ADGRB3: variants seen among roughly 807,000 people sequenced by gnomAD.
ADGRB3 encodes the protein brain-specific angiogenesis inhibitor 3.
A neutral mutation model predicts 193.4 loss-of-function variants in ADGRB3; 37 were observed. That is an observed-to-expected ratio of 0.19 (90% CI 0.15 to 0.25). The LOEUF is 0.25. ADGRB3 is among the 10% of genes least tolerant of loss of function. The pLI, the probability that ADGRB3 is intolerant of heterozygous loss-of-function variation, is 1.00. For synonymous variants in ADGRB3, 690 were observed against 644.2 expected, an observed-to-expected ratio of 1.07 and a Z score of -1.08; for missense variants, 1,637 against 1,852.9, an observed-to-expected ratio of 0.88 and a Z score of 2.14.
chr6:68,937,652 T>G (rs1767517820), intron 5 of ADGRB3, among the ~76,000 whole-genome samples: 1 of 152,134 alleles, frequency 6.6e-6, no homozygotes, highest in Non-Finnish European at 1.5e-5. Context: ...CTCATTAAGT[T>G]CCATTTCTAG....
At chr6:69,140,453 A>G (rs1347438331) in intron 17 of ADGRB3, among the ~76,000 whole-genome samples, 1 of 152,158 alleles carries the variant, frequency 6.6e-6, no homozygotes, top group Non-Finnish European at 1.5e-5. Flanking sequence ...GAACTCATGA[A>G]GGTAGAGAGT....
chr6:69,014,108 TA>T lies in ADGRB3; in HGVS notation c.1998+4del. 6.3e-7 allele frequency: 1 copy of T among 1,598,742 alleles called. No homozygotes were observed. The highest frequency in any genetic ancestry group is 1.1e-5 in the South Asian group (1 of 88,816). On this transcript the variant is annotated splice_donor_region_variant and intron_variant, in intron 12 of 31. Coordinates refer to ENST00000370598, the MANE Select transcript of ADGRB3 (RefSeq NM_001704.3). ...GAAAAATGGGAAGATGCACAACAGG[TA>T]AGGTTAGGGTTATTTCAGAACTTGA... is the stretch of plus-strand genomic sequence containing the variant.
intron 30 of ADGRB3, among the ~76,000 whole-genome samples, chr6:69,382,545 T>C (rs1336806088): frequency 1.3e-5 from 2 of 151,962 alleles, no homozygotes; most frequent in East Asian, 1.9e-4. Flanking sequence ...TTTTGAATAA[T>C]GAAAATCTTA....
intron 3 of ADGRB3, among the ~76,000 whole-genome samples, chr6:68,774,448 G>T (rs774201072): frequency 2.0e-5 from 3 of 150,534 alleles, no homozygotes; most frequent in Non-Finnish European, 4.4e-5. Flanking sequence ...GGTCTTCTTG[G>T]AGTTGTTCCA....
Position 69,264,513 on chromosome 6 carries a change from C to CT in ADGRB3, c.2814+25297dup, listed in dbSNP as rs911360878. Among the ~76,000 whole-genome samples, 172 of 148,422 alleles carry CT rather than the reference C, an allele frequency of 1.2e-3. 2 individuals carry two copies. Among genetic ancestry groups the CT allele is most frequent in the African/African-American group, 3.0e-3 (120 of 40,584 alleles). On this transcript the variant is annotated intron_variant, in intron 20 of 31. Coordinates refer to ENST00000370598, the MANE Select transcript of ADGRB3 (RefSeq NM_001704.3). ...TAGACAGGCATGTCTTTCTCATCTCCTTTTTTTTTTATTTATTTAGATTTG... is the reference window on the plus strand; with the variant it reads ...TAGACAGGCATGTCTTTCTCATCTCCTTTTTTTTTTTATTTATTTAGATTTG...
chr6:68,742,713 C>T (rs1766004159), intron 3 of ADGRB3, among the ~76,000 whole-genome samples: 1 of 151,944 alleles, frequency 6.6e-6, no homozygotes, highest in Admixed American at 6.6e-5. Context: ...GTTAAATCAT[C>T]CTAAAATATT....
intron 3 of ADGRB3, among the ~76,000 whole-genome samples, chr6:68,914,523 TA>T (rs1186222553): frequency 7.9e-5 from 12 of 152,214 alleles, no homozygotes; most frequent in African/African-American, 2.6e-4. Flanking sequence ...AGGCCTGCCC[TA>T]AAGGAGCTCC....
At chr6:68,742,232 A>G (rs1765996063) in intron 3 of ADGRB3, among the ~76,000 whole-genome samples, 1 of 152,180 alleles carries the variant, frequency 6.6e-6, no homozygotes, top group Non-Finnish European at 1.5e-5. Flanking sequence ...GATGTAAACT[A>G]GTTTCAAATT....
intron 3 of ADGRB3, among the ~76,000 whole-genome samples, chr6:68,701,390 A>G (rs1301289794): frequency 2.0e-5 from 3 of 152,158 alleles, no homozygotes; most frequent in Middle Eastern, 3.2e-3. Context: ...ATCAATCATT[A>G]GTCAGGCCTT....
intron 3 of ADGRB3, 103 bp downstream of exon 3, chr6:68,639,535 G>A (rs1487066526): frequency 7.5e-7 from 1 of 1,341,846 alleles, no homozygotes; most frequent in Non-Finnish European, 9.9e-7. Context: ...ATCCTTTATT[G>A]TCACTTTTTG....
At chr6:69,135,557 G>C (rs1489131511) in intron 17 of ADGRB3, among the ~76,000 whole-genome samples, 1 of 151,856 alleles carries the variant, frequency 6.6e-6, no homozygotes, top group Admixed American at 6.6e-5. Context: ...AGGCAACATG[G>C]CATTTATACT....
chr6:68,889,101 C>A (rs1389153664), intron 3 of ADGRB3, among the ~76,000 whole-genome samples: 1 of 152,094 alleles, frequency 6.6e-6, no homozygotes, highest in African/African-American at 2.4e-5. Context: ...CAGGATCAAT[C>A]AAGATAGGTA....
At chr6:68,667,750 C>G (rs1768838245) in intron 3 of ADGRB3, among the ~76,000 whole-genome samples, 1 of 151,716 alleles carries the variant, frequency 6.6e-6, no homozygotes, top group South Asian at 2.1e-4. Context: ...GTCAGTGAAA[C>G]AGAGCTGTAA....
chr6:68,673,210 T>C (rs1408170133), intron 3 of ADGRB3, among the ~76,000 whole-genome samples: 1 of 152,114 alleles, frequency 6.6e-6, no homozygotes, highest in Non-Finnish European at 1.5e-5. Context: ...TTATCCTTGG[T>C]AGATAAGTTC....
intron 3 of ADGRB3, among the ~76,000 whole-genome samples, chr6:68,740,005 TTA>T (rs776520686): frequency 4.7e-4 from 72 of 152,296 alleles, no homozygotes; most frequent in African/African-American, 1.7e-3. Flanking sequence ...TACAACATTA[TTA>T]TTAATAATAA....
chr6:69,375,269 C>T (rs1769791203), intron 30 of ADGRB3, among the ~76,000 whole-genome samples: 1 of 151,960 alleles, frequency 6.6e-6, no homozygotes, highest in Non-Finnish European at 1.5e-5. Flanking sequence ...ATGAGTATGT[C>T]AGGTTTTAAA....
At chr6:69,270,580 C>T (rs6921597) in intron 20 of ADGRB3, among the ~76,000 whole-genome samples, 7,541 of 152,138 alleles carry the variant, frequency 0.05, 228 homozygotes, top group Non-Finnish European at 0.072. Context: ...TGATTAAATA[C>T]ATTTTACTGA....
At chr6:69,248,113 C>G (rs1186638634) in intron 20 of ADGRB3, among the ~76,000 whole-genome samples, 2 of 152,200 alleles carry the variant, frequency 1.3e-5, no homozygotes, top group South Asian at 2.1e-4. Context: ...TGCTTTTCTC[C>G]CCTGAAATCA....
chr6:68,933,103 A>G (rs985887808), intron 4 of ADGRB3, among the ~76,000 whole-genome samples: 4 of 150,860 alleles, frequency 2.7e-5, no homozygotes, highest in African/African-American at 7.3e-5. Context: ...ATGATATCAT[A>G]TAATATATAT....
Sources: allele counts gnomAD v4.1 joint callset (sites outside exome capture counted in the v4.1 genomes callset), GRCh38; gene constraint gnomAD v4.1.1; transcripts MANE v1.5; gene names NCBI Gene and HGNC (gene_info 2026-07-23, HGNC 2026-07-21).